Variants in KCNK2 observed in about 807,000 individuals in gnomAD.
The protein encoded by KCNK2 is potassium channel subfamily K member 2.
KCNK2 carries 21 observed loss-of-function variants against 40.5 expected under a neutral mutation model. The observed-to-expected ratio is 0.52, with a 90% CI of 0.37 to 0.75. The LOEUF (loss-of-function observed/expected upper bound fraction) is 0.75, where lower values mean the gene tolerates loss of function less well. Among genes scored for constraint, KCNK2 ranks in the 30% least tolerant of loss-of-function variants. The probability of loss-of-function intolerance (pLI) is 0.00; values close to 1 mark genes in which losing one functional copy is unlikely to be tolerated. For synonymous variants in KCNK2, 191 were observed against 202.2 expected, an observed-to-expected ratio of 0.94 and a Z score of 0.47; for missense variants, 399 against 531.6, an observed-to-expected ratio of 0.75 and a Z score of 2.45.
chr1:215,099,142 C>G (rs1660103571), intron 2 of KCNK2, among the ~76,000 whole-genome samples: 1 of 151,822 alleles, frequency 6.6e-6, no homozygotes, highest in Non-Finnish European at 1.5e-5. Flanking sequence ...TGTTAGTTAT[C>G]TTTCCTGATT....
At chr1:215,075,819 C>T (rs1008982296) in intron 1 of KCNK2, among the ~76,000 whole-genome samples, 5 of 152,210 alleles carry the variant, frequency 3.3e-5, no homozygotes, top group African/African-American at 1.2e-4. Flanking sequence ...CACCACCAAG[C>T]TATCAGGGCA....
chr1:215,007,230 C>T (rs1391591147), intron 1 of KCNK2, among the ~76,000 whole-genome samples: 1 of 104,796 alleles, frequency 9.5e-6, no homozygotes, highest in Non-Finnish European at 1.9e-5. Context: ...TATATATAGG[C>T]TCATTTCCAA....
At chr1:215,087,754 GA>G (rs993172984) in intron 2 of KCNK2, among the ~76,000 whole-genome samples, 9 of 152,168 alleles carry the variant, frequency 5.9e-5, no homozygotes, top group African/African-American at 2.2e-4. Context: ...GGACTGAGGG[GA>G]AAAATTATTG....
intron 2 of KCNK2, among the ~76,000 whole-genome samples, chr1:215,111,258 G>A (rs1660671620): frequency 6.6e-6 from 1 of 152,024 alleles, no homozygotes; most frequent in South Asian, 2.1e-4. Flanking sequence ...TTCCAGTACT[G>A]TTTGAATAGA....
At chr1:215,034,963 ATTTT>A (rs1019690739) in intron 1 of KCNK2, among the ~76,000 whole-genome samples, 3 of 151,846 alleles carry the variant, frequency 2.0e-5, no homozygotes, top group Admixed American at 1.3e-4. Context: ...TATTTGTAAC[ATTTT>A]TTTCTCTGAC....
At chr1:215,018,827 A>G (rs933526873) in intron 1 of KCNK2, among the ~76,000 whole-genome samples, 1 of 152,138 alleles carries the variant, frequency 6.6e-6, no homozygotes, top group African/African-American at 2.4e-5. Context: ...TCACGATCAA[A>G]TTTGCATTCT....
intron 1 of KCNK2, among the ~76,000 whole-genome samples, chr1:215,035,095 G>A (rs1393868887): frequency 6.6e-6 from 1 of 151,976 alleles, no homozygotes; most frequent in Non-Finnish European, 1.5e-5. Flanking sequence ...TTACCAACTC[G>A]AGTTAGTGTT....
chr1:215,111,954 T>TTTTTTTTTTGAGACGGA (rs1558096185), intron 2 of KCNK2, among the ~76,000 whole-genome samples: 1 of 151,090 alleles, frequency 6.6e-6, no homozygotes, highest in African/African-American at 2.5e-5. Flanking sequence ...TTTTTATAGT[T>TTTTTTTTTTGAGACGGA]GTGCGTTCTC....
chr1:215,108,326 A>G (rs1268861509), intron 2 of KCNK2, among the ~76,000 whole-genome samples: 5 of 152,182 alleles, frequency 3.3e-5, no homozygotes, highest in African/African-American at 9.6e-5. Context: ...TGCAAATACC[A>G]TATCATTTTA....
At chr1:215,037,598 GTATATTAT>G (rs1657431845) in intron 1 of KCNK2, among the ~76,000 whole-genome samples, 1 of 151,930 alleles carries the variant, frequency 6.6e-6, no homozygotes. Flanking sequence ...AAAGAGTTGT[GTATATTAT>G]TTCTTACTAA....
upstream of KCNK2, among the ~76,000 whole-genome samples, chr1:215,078,504 G>A (rs1345723332): frequency 1.3e-5 from 2 of 152,178 alleles, no homozygotes; most frequent in Admixed American, 1.3e-4. Flanking sequence ...GAGAGAATCA[G>A]TGCCAGTAGG....
intron 2 of KCNK2, among the ~76,000 whole-genome samples, chr1:215,087,823 G>A (rs1453677044): frequency 6.6e-6 from 1 of 152,170 alleles, no homozygotes; most frequent in East Asian, 1.9e-4. Context: ...TCTTGCCATG[G>A]ATCTCAAGAT....
At chr1:215,057,270 AT>A (rs774866253) in intron 1 of KCNK2, among the ~76,000 whole-genome samples, 3 of 151,144 alleles carry the variant, frequency 2.0e-5, no homozygotes, top group South Asian at 4.2e-4. Flanking sequence ...GGATAATCAT[AT>A]TTTTTTAAAA....
chr1:215,203,456 G>C (rs532655099), intron 6 of KCNK2, among the ~76,000 whole-genome samples: 32 of 152,086 alleles, frequency 2.1e-4, no homozygotes, highest in African/African-American at 7.7e-4. Flanking sequence ...CTGAATGCTT[G>C]TTTCTTTCCA....
intron 1 of KCNK2, among the ~76,000 whole-genome samples, chr1:215,055,055 T>G (rs1442260679): frequency 6.6e-6 from 1 of 152,250 alleles, no homozygotes; most frequent in Non-Finnish European, 1.5e-5. Context: ...TATATGAATA[T>G]CATAACTTAT....
intron 5 of KCNK2, among the ~76,000 whole-genome samples, chr1:215,173,057 T>C (rs1663791694): frequency 1.3e-5 from 2 of 152,140 alleles, no homozygotes; most frequent in Non-Finnish European, 2.9e-5. Context: ...GCCATGTTGG[T>C]GTGCTGCACC....
intron 3 of KCNK2, among the ~76,000 whole-genome samples, chr1:215,139,313 C>T (rs1041895899): frequency 1.3e-5 from 2 of 152,110 alleles, no homozygotes; most frequent in African/African-American, 4.8e-5. Flanking sequence ...ACAAGTGAAG[C>T]TCACTATATC....
At chr1:215,050,192 A>G (rs1021909210) in intron 1 of KCNK2, among the ~76,000 whole-genome samples, 4 of 152,100 alleles carry the variant, frequency 2.6e-5, no homozygotes, top group African/African-American at 7.2e-5. Context: ...TTTTCAGCAT[A>G]CAGATTCTAT....
chr1:215,048,298 A>C (rs1306810886), intron 1 of KCNK2, among the ~76,000 whole-genome samples: 1 of 152,204 alleles, frequency 6.6e-6, no homozygotes. Flanking sequence ...AGAATTGAAG[A>C]AGAAATATTG....
Sources: allele counts gnomAD v4.1 joint callset (sites outside exome capture counted in the v4.1 genomes callset), GRCh38; gene constraint gnomAD v4.1.1; transcripts MANE v1.5; gene names NCBI Gene and HGNC (gene_info 2026-07-23, HGNC 2026-07-21).